CLDN10: variants seen among roughly 807,000 people sequenced by gnomAD.
CLDN10 encodes the protein claudin 10, also known as claudin-10.
A neutral mutation model predicts 22.9 loss-of-function variants in CLDN10; 15 were observed. That is an observed-to-expected ratio of 0.65 (90% CI 0.44 to 1.01). The LOEUF (loss-of-function observed/expected upper bound fraction) is 1.01, where lower values mean the gene tolerates loss of function less well. CLDN10 is among the 50% of genes least tolerant of loss of function. The probability of loss-of-function intolerance (pLI) is 0.00; values close to 1 mark genes in which losing one functional copy is unlikely to be tolerated. For synonymous variants in CLDN10, 114 were observed against 111.4 expected (o/e 1.02, Z -0.15); for missense variants, 247 against 287.8 (o/e 0.86, Z 1.03).
chr13:95,487,493 G>T (rs904614823), intron 1 of CLDN10, among the ~76,000 whole-genome samples: 1 of 152,090 alleles, frequency 6.6e-6, no homozygotes, highest in African/African-American at 2.4e-5. Context: ...AGTTATTCAT[G>T]TTCACATTTT....
At chr13:95,553,816 G>C (rs4525360) in intron 1 of CLDN10, among the ~76,000 whole-genome samples, 1 of 152,194 alleles carries the variant, frequency 6.6e-6, no homozygotes. Context: ...TATTCACACA[G>C]AACTCTGGCT....
chr13:95,538,933 G>A (rs531621568), intron 1 of CLDN10, among the ~76,000 whole-genome samples: 2 of 152,108 alleles, frequency 1.3e-5, no homozygotes, highest in Non-Finnish European at 2.9e-5. Context: ...AGGCTGGAGT[G>A]CAGTGGCACA....
intron 1 of CLDN10, among the ~76,000 whole-genome samples, chr13:95,470,339 C>A (rs1483136666): frequency 1.3e-5 from 2 of 152,094 alleles, no homozygotes; most frequent in African/African-American, 4.8e-5. Flanking sequence ...ACCTTGAACT[C>A]CTGGGCTCAA....
chr13:95,449,509 C>T (rs8002820), intron 1 of CLDN10, among the ~76,000 whole-genome samples: 240 of 152,232 alleles, frequency 1.6e-3, no homozygotes, highest in African/African-American at 5.5e-3. Flanking sequence ...CCTCAGCCTC[C>T]TAAAGTGCTG....
chr13:95,454,154 G>T (rs1041932047), intron 1 of CLDN10, among the ~76,000 whole-genome samples: 2 of 151,848 alleles, frequency 1.3e-5, no homozygotes, highest in Admixed American at 6.6e-5. Context: ...TTGAAAGAAG[G>T]CCAGGCCAGG....
chr13:95,502,525 G>C (rs2042996586), intron 1 of CLDN10, among the ~76,000 whole-genome samples: 3 of 152,014 alleles, frequency 2.0e-5, no homozygotes, highest in African/African-American at 7.2e-5. Context: ...TTTGTTCTGT[G>C]TGTTTGTTTT....
At chr13:95,563,851 A>C (rs2043750017) in intron 3 of CLDN10, among the ~76,000 whole-genome samples, 1 of 152,232 alleles carries the variant, frequency 6.6e-6, no homozygotes. Context: ...AACACCTTCT[A>C]GTAGAGGGGA....
At chr13:95,531,830 C>T (rs768220175) in intron 1 of CLDN10, among the ~76,000 whole-genome samples, 8 of 151,948 alleles carry the variant, frequency 5.3e-5, no homozygotes, top group African/African-American at 9.7e-5. Context: ...CCACCGCTCC[C>T]GGCTAGTATT....
chr13:95,472,863 T>G (rs1452415641), intron 1 of CLDN10, among the ~76,000 whole-genome samples: 3 of 150,924 alleles, frequency 2.0e-5, no homozygotes, highest in African/African-American at 4.9e-5. Context: ...CTCTCTGTCC[T>G]GGTGCAGTGG....
intron 1 of CLDN10, among the ~76,000 whole-genome samples, chr13:95,545,798 G>A (rs1250242563): frequency 6.6e-6 from 1 of 152,262 alleles, no homozygotes; most frequent in African/African-American, 2.4e-5. Context: ...ACTGCAGAAC[G>A]TCCCCAACTC....
chr13:95,565,917 T>C (rs1219539667), intron 3 of CLDN10, among the ~76,000 whole-genome samples: 1 of 152,100 alleles, frequency 6.6e-6, no homozygotes, highest in Admixed American at 6.5e-5. Context: ...AGAATGATGG[T>C]TTCCAGCTTC....
intron 1 of CLDN10, among the ~76,000 whole-genome samples, chr13:95,466,645 G>A (rs954845130): frequency 6.6e-6 from 1 of 152,004 alleles, no homozygotes; most frequent in Admixed American, 6.6e-5. Flanking sequence ...GAGGCAAGTG[G>A]AAATATATCT....
chr13:95,456,421 CT>C (rs2042482499), intron 1 of CLDN10, among the ~76,000 whole-genome samples: 1 of 152,126 alleles, frequency 6.6e-6, no homozygotes, highest in Non-Finnish European at 1.5e-5. Flanking sequence ...GGTGAAACCC[CT>C]GTCCAAGAAT....
intron 1 of CLDN10, among the ~76,000 whole-genome samples, chr13:95,468,600 C>T (rs960893338): frequency 3.3e-5 from 5 of 152,134 alleles, no homozygotes; most frequent in African/African-American, 1.2e-4. Context: ...GTGGCATACA[C>T]TTGTAATCCC....
chr13:95,519,377 C>T (rs1594582974), intron 1 of CLDN10, among the ~76,000 whole-genome samples: 2 of 152,184 alleles, frequency 1.3e-5, no homozygotes, highest in Non-Finnish European at 2.9e-5. Flanking sequence ...CCATTGCATC[C>T]ATGCTTGCTG....
chr13:95,493,427 A>G (rs537758797), intron 1 of CLDN10, among the ~76,000 whole-genome samples: 1 of 152,090 alleles, frequency 6.6e-6, no homozygotes, highest in Non-Finnish European at 1.5e-5. Flanking sequence ...GAGTTCTTAC[A>G]AAACTAAAAC....
At chr13:95,527,251 A>G (rs1323056460) in intron 1 of CLDN10, among the ~76,000 whole-genome samples, 1 of 152,218 alleles carries the variant, frequency 6.6e-6, no homozygotes, top group African/African-American at 2.4e-5. Context: ...TTCAACTTTC[A>G]TAAAAGGAAT....
intron 1 of CLDN10, among the ~76,000 whole-genome samples, chr13:95,458,705 AT>A (rs2042506700): frequency 6.6e-6 from 1 of 152,132 alleles, no homozygotes; most frequent in Non-Finnish European, 1.5e-5. Context: ...TCAAGATGAG[AT>A]TTTGGGTGGG....
At chr13:95,517,363 C>G (rs1004128055) in intron 1 of CLDN10, among the ~76,000 whole-genome samples, 1 of 152,140 alleles carries the variant, frequency 6.6e-6, no homozygotes, top group South Asian at 2.1e-4. Context: ...GGGGTAGACA[C>G]CCCCCGAACC....
Sources: gnomAD v4.1 joint callset for allele counts (sites outside exome capture counted in the v4.1 genomes callset) on GRCh38, gnomAD v4.1.1 for gene constraint, MANE v1.5 for transcripts, NCBI Gene and HGNC (gene_info 2026-07-23, HGNC 2026-07-21) for gene names.